Variants in NOL4 observed in about 807,000 individuals in gnomAD.
The protein encoded by NOL4 is nucleolar protein 4.
Under a neutral mutation model 75.9 loss-of-function variants are expected in NOL4, and 17 were observed. The ratio of observed to expected loss-of-function variants is 0.22; its 90% confidence interval spans 0.15 to 0.34. The LOEUF is 0.34. Among genes scored for constraint, NOL4 ranks in the 10% least tolerant of loss-of-function variants. NOL4 has a pLI of 1.00. For missense variants in NOL4, 614 were observed against 793.5 expected (o/e 0.77, Z 2.72); for synonymous variants, 292 against 289.9 (o/e 1.01, Z -0.07).
At chr18:33,969,023 T>C (rs2070831539) in intron 6 of NOL4, among the ~76,000 whole-genome samples, 3 of 152,218 alleles carry the variant, frequency 2.0e-5, no homozygotes, top group Admixed American at 1.3e-4. Context: ...TCATGCAAAC[T>C]GTTAGATTAT....
chr18:33,934,466 C>T lies in NOL4; in HGVS notation c.1542+8599G>A, dbSNP rs150375127. On this transcript the variant is annotated intron_variant, in intron 9 of 10. Coordinates refer to ENST00000261592, the MANE Select transcript of NOL4 (RefSeq NM_003787.5). ...GGCACCTTTTCCCAATGATTCACTA[C>T]GATGATGTAGTGATTTCATCTACAT... Among the ~76,000 whole-genome samples, 565 of 152,268 alleles carry T rather than the reference C, an allele frequency of 3.7e-3. 2 individuals are homozygous for T. Among genetic ancestry groups the T allele is most frequent in the Middle Eastern group, 6.8e-3 (2 of 294 alleles).
chr18:34,148,257 T>C (rs1376864218), intron 1 of NOL4, among the ~76,000 whole-genome samples: 1 of 152,146 alleles, frequency 6.6e-6, no homozygotes, highest in Admixed American at 6.6e-5. Context: ...TTCTGCTAGC[T>C]TTTGAATTTG....
chr18:33,899,009 A>G (rs906288327), intron 9 of NOL4, among the ~76,000 whole-genome samples: 2 of 152,192 alleles, frequency 1.3e-5, no homozygotes, highest in Non-Finnish European at 2.9e-5. Context: ...CTTTTAGGTT[A>G]AATACTTTTG....
At chr18:33,902,480 T>G (rs548155560) in intron 9 of NOL4, among the ~76,000 whole-genome samples, 1 of 152,152 alleles carries the variant, frequency 6.6e-6, no homozygotes, top group Non-Finnish European at 1.5e-5. Context: ...ATGTTTTATA[T>G]AGAAAAGCAA....
chr18:33,971,909 T>C (rs990077030), intron 6 of NOL4, among the ~76,000 whole-genome samples: 1 of 152,164 alleles, frequency 6.6e-6, no homozygotes. Context: ...CTCATACCTG[T>C]AATCCCAGCA....
intron 1 of NOL4, among the ~76,000 whole-genome samples, chr18:34,194,462 AGGCAGGC>A (rs2035174403): frequency 5.5e-5 from 5 of 91,632 alleles, no homozygotes; most frequent in Admixed American, 1.3e-4. Flanking sequence ...GAAGGAAGGC[AGGCAGGC>A]AGGCAGGCAG....
intron 2 of NOL4, among the ~76,000 whole-genome samples, chr18:34,124,494 A>C (rs533256218): frequency 6.6e-6 from 1 of 152,020 alleles, no homozygotes; most frequent in Admixed American, 6.5e-5. Flanking sequence ...TTTGAAAATA[A>C]AGATTTTTCT....
At chr18:33,941,868 T>G (rs1478480482) in intron 9 of NOL4, among the ~76,000 whole-genome samples, 4 of 151,926 alleles carry the variant, frequency 2.6e-5, no homozygotes, top group African/African-American at 4.8e-5. Flanking sequence ...ATACATTTTA[T>G]AGATATAACA....
At chr18:34,192,793 T>C (rs2035018588) in intron 1 of NOL4, among the ~76,000 whole-genome samples, 1 of 152,214 alleles carries the variant, frequency 6.6e-6, no homozygotes, top group African/African-American at 2.4e-5. Context: ...AACCAGGTCA[T>C]GAGGGCTGTG....
chr18:33,997,661 CATAAATATATACACATATACTTTATAT>C (rs1318592279), intron 6 of NOL4, among the ~76,000 whole-genome samples: 1 of 148,238 alleles, frequency 6.7e-6, no homozygotes, highest in Non-Finnish European at 1.5e-5. Flanking sequence ...ATATACTTTA[CATAAATATATACACATATACTTTATAT>C]ATAAATATAT....
At chr18:34,106,569 T>C (rs1463619861) in intron 2 of NOL4, among the ~76,000 whole-genome samples, 1 of 151,964 alleles carries the variant, frequency 6.6e-6, no homozygotes, top group Non-Finnish European at 1.5e-5. Flanking sequence ...TTTCAAAAAA[T>C]ACTGCTTCAG....
At chr18:33,908,725 A>G (rs1032744071) in intron 9 of NOL4, among the ~76,000 whole-genome samples, 1 of 152,164 alleles carries the variant, frequency 6.6e-6, no homozygotes, top group African/African-American at 2.4e-5. Context: ...CTTTTATATT[A>G]ATGTGAAGTT....
chr18:34,119,617 A>T (rs915362623), intron 2 of NOL4, among the ~76,000 whole-genome samples: 3 of 151,412 alleles, frequency 2.0e-5, no homozygotes, highest in African/African-American at 7.3e-5. Context: ...TATCTGGGTT[A>T]TTTTTTTTAT....
intron 5 of NOL4, among the ~76,000 whole-genome samples, chr18:34,062,298 G>C (rs940357191): frequency 6.6e-6 from 1 of 151,998 alleles, no homozygotes; most frequent in Non-Finnish European, 1.5e-5. Context: ...AAGAAGAAAA[G>C]GGGCTGTAAA....
chr18:34,182,853 T>G (rs1178717616), intron 1 of NOL4, among the ~76,000 whole-genome samples: 1 of 151,752 alleles, frequency 6.6e-6, no homozygotes, highest in African/African-American at 2.4e-5. Flanking sequence ...TTATTAGACA[T>G]TCGTTTACCA....
rs192791144 is a variant in NOL4 at position 33,945,404 on chromosome 18, C to G, written c.1429-2226G>C. Among the ~76,000 whole-genome samples, 603 of 151,730 alleles carry G rather than the reference C, an allele frequency of 4.0e-3. 5 individuals carry two copies. The highest frequency in any genetic ancestry group is 5.6e-3 in the Non-Finnish European group (377 of 67,796). On this transcript the variant is annotated intron_variant, in intron 8 of 10. Coordinates refer to ENST00000261592, the MANE Select transcript of NOL4 (RefSeq NM_003787.5). ...TAACATGGAGAACGTAAGTAAAATA[C>G]CCCTTCAATTAATATTATTTCATGG...
At chr18:34,166,580 T>C (rs957744056) in intron 1 of NOL4, among the ~76,000 whole-genome samples, 3 of 152,056 alleles carry the variant, frequency 2.0e-5, no homozygotes, top group African/African-American at 7.2e-5. Context: ...ACTAACACAA[T>C]AGAAAAATAT....
intron 10 of NOL4, among the ~76,000 whole-genome samples, chr18:33,873,017 C>T (rs1425816404): frequency 6.6e-6 from 1 of 151,954 alleles, no homozygotes; most frequent in Non-Finnish European, 1.5e-5. Context: ...ACAACTCACT[C>T]AGGTTTCATT....
At chr18:33,919,332 G>T (rs2066901064) in intron 9 of NOL4, among the ~76,000 whole-genome samples, 1 of 152,148 alleles carries the variant, frequency 6.6e-6, no homozygotes, top group Non-Finnish European at 1.5e-5. Flanking sequence ...TGTGAGTGGA[G>T]AGCTCAGGTA....
Sources: gnomAD v4.1 joint callset for allele counts (sites outside exome capture counted in the v4.1 genomes callset) on GRCh38, gnomAD v4.1.1 for gene constraint, MANE v1.5 for transcripts, NCBI Gene and HGNC (gene_info 2026-07-23, HGNC 2026-07-21) for gene names.